PPIA: variants seen among roughly 807,000 people sequenced by gnomAD.
PPIA encodes the protein peptidylprolyl isomerase A.
In PPIA, 2 loss-of-function variants were observed where a neutral mutation model predicts 15.3. The ratio of observed to expected loss-of-function variants is 0.13; its 90% CI spans 0.05 to 0.41. The LOEUF is 0.41. Among genes scored for constraint, PPIA ranks in the 10% least tolerant of loss-of-function variants. The pLI, the probability that PPIA is intolerant of heterozygous loss-of-function variation, is 0.99. For synonymous variants in PPIA, 67 were observed against 73.1 expected (o/e 0.92, Z 0.43); for missense variants, 103 against 210.3 (o/e 0.49, Z 3.16).
Position 44,799,803 on chromosome 7 carries a change from C to T in PPIA, c.291C>T (p.Ile97=). The change falls in exon 4 of 5, where the codon ATC becomes ATT. Residue 97 remains isoleucine, a synonymous_variant. Coordinates refer to ENST00000468812, the MANE Select transcript of PPIA (RefSeq NM_021130.5). ...NFILKHTGPG[I]LSMANAGPNT... ...TCCTAAAGCATACGGGTCCTGGCAT[C>T]TTGTCCATGGCAAATGCTGGACCCA... 2.5e-6 allele frequency: 4 copies of T among 1,613,792 alleles called. No homozygotes were observed. Among genetic ancestry groups the T allele is most frequent in the Non-Finnish European group, 3.4e-6 (4 of 1,179,974 alleles).
At chr7:44,800,824 TA>T (rs1792531650) in intron 4 of PPIA, among the ~76,000 whole-genome samples, 1 of 152,076 alleles carries the variant, frequency 6.6e-6, no homozygotes, top group African/African-American at 2.4e-5. Context: ...TCTATATGTG[TA>T]ACTCTTTTTT....
intron 1 of PPIA, among the ~76,000 whole-genome samples, 170 bp downstream of exon 1, chr7:44,796,963 C>T (rs1679938206): frequency 6.6e-6 from 1 of 152,152 alleles, no homozygotes; most frequent in South Asian, 2.1e-4. Context: ...GTCCGCGAGT[C>T]GCGGGGAGGA....
intron 1 of PPIA, 99 bp from the exon 2 acceptor site, chr7:44,799,148 C>T: frequency 3.0e-6 from 4 of 1,349,708 alleles, no homozygotes; most frequent in Non-Finnish European, 4.1e-6. Context: ...AAGAAGTATT[C>T]TAGTGAGAAA....
chr7:44,801,205 T>C, intron 4 of PPIA, 82 bp from the exon 5 acceptor site: 1 of 1,391,566 alleles, frequency 7.2e-7, no homozygotes, highest in Non-Finnish European at 9.7e-7. Context: ...AAAAAAAAGC[T>C]ACCTTTCTCG....
At chr7:44,799,047 G>A (rs1438913810) in intron 1 of PPIA, 200 bp from the exon 2 acceptor site, 2 of 1,119,834 alleles carry the variant, frequency 1.8e-6, no homozygotes, top group African/African-American at 3.2e-5. Flanking sequence ...TGGATTTTTG[G>A]CATGTCTTTG....
intron 1 of PPIA, among the ~76,000 whole-genome samples, chr7:44,797,749 G>C (rs1380762213): frequency 6.6e-6 from 1 of 152,206 alleles, no homozygotes; most frequent in African/African-American, 2.4e-5. Context: ...GTACGATTCC[G>C]TTCCAGTTAA....
Position 44,801,674 on chromosome 7 carries a change from G to GC in PPIA, c.*253dup, listed in dbSNP as rs1379060542. On this transcript the variant is annotated 3_prime_UTR_variant, in exon 5 of 5. Transcript: ENST00000468812. ...AGTGTTGATGTAGGCTTTATTTTAA[G>GC]CAGTAATGGGTTACTTCTGAAACAT... The GC allele has an allele frequency of 3.6e-5, 14 of 384,048 alleles. No homozygotes were observed. Among genetic ancestry groups the GC allele is most frequent in the Non-Finnish European group, 5.7e-5 (12 of 210,546 alleles). The allele number at this position is 384,048 out of a possible 1,614,324, so 23.8% of individuals were successfully genotyped here.
At chr7:44,800,398 C>CTTTTTTTTT (rs57466816) in intron 4 of PPIA, 1 of 142,290 alleles carries the variant, frequency 7.0e-6, no homozygotes. Context: ...CAATTAAGTG[C>CTTTTTTTTT]TTTTTTTTTT....
chr7:44,799,370 T>A, intron 2 of PPIA, 22 bp from the exon 3 acceptor site: 3 of 1,607,690 alleles, frequency 1.9e-6, no homozygotes, highest in Non-Finnish European at 2.6e-6. Flanking sequence ...TGTATATATG[T>A]GTTTAATTTT....
In PPIA at chr7:44,799,716, A is replaced by G. The variant is rs751423573; in HGVS notation, c.204A>G (p.Thr68=). The change falls in exon 4 of 5, where the codon ACA becomes ACG. Residue 68 remains threonine, a synonymous_variant. Transcript: ENST00000468812. The part of the protein sequence containing the change: ...PGFMCQGGDF[T]RHNGTGGKSI... ...TATGTTGACAGGGTGGTGACTTCAC[A>G]CGCCATAATGGCACTGGTGGCAAGT... is the stretch of plus-strand genomic sequence containing the variant. 2 of 1,614,016 alleles carry G rather than the reference A, an allele frequency of 1.2e-6. No individual in the cohort carries two copies. Among genetic ancestry groups the G allele is most frequent in the South Asian group, 2.2e-5 (2 of 91,078 alleles).
chr7:44,799,609 A>G, intron 3 of PPIA, 93 bp from the exon 4 acceptor site: 1 of 1,580,766 alleles, frequency 6.3e-7, no homozygotes, highest in Non-Finnish European at 8.7e-7. Context: ...CCTTCTATTC[A>G]GTTTGAACTT....
chr7:44,801,278 C>T lies in PPIA; in HGVS notation c.363-9C>T. The T allele has an allele frequency of 6.2e-7, 1 of 1,610,760 alleles. No homozygotes were observed. The highest frequency in any genetic ancestry group is 8.5e-7 in the Non-Finnish European group (1 of 1,178,336). ...TTGCCAGTCATAGTGATTGTTCTTC[C>T]TTTTCAAGGTTGGATGGCAAGCATG... On this transcript the variant is annotated splice_polypyrimidine_tract_variant and intron_variant, in intron 4 of 4. Transcript: ENST00000468812.
chr7:44,797,138 C>T (rs1450997883), intron 1 of PPIA, among the ~76,000 whole-genome samples: 1 of 152,220 alleles, frequency 6.6e-6, no homozygotes, highest in Non-Finnish European at 1.5e-5. Context: ...TGGGCTCCGC[C>T]CTAGCTTGGC....
At position 44,801,732 on chromosome 7, in the gene PPIA, A is replaced by AT. The variant is rs17860087; in HGVS notation, c.*318dup. 0.23 allele frequency: 51,683 copies of AT among 228,780 alleles called. 10,841 individuals are homozygous for AT. Among genetic ancestry groups the AT allele is most frequent in the East Asian group, 0.73 (5,032 of 6,864 alleles). The allele number at this position is 228,780 out of a possible 1,614,324, so 14.2% of individuals were successfully genotyped here. On this transcript the variant is annotated 3_prime_UTR_variant, in exon 5 of 5. Transcript: ENST00000468812. ...TTGCTTAATTCTACACAGTACTTAG[A>AT]TTTTTTTTACTTTCCAGTCCCAGGA...
chr7:44,799,935 C>T (rs922551133), intron 4 of PPIA, 61 bp downstream of exon 4: 41 of 1,525,150 alleles, frequency 2.7e-5, no homozygotes, highest in Non-Finnish European at 3.3e-5. Flanking sequence ...CTGGGGGGAA[C>T]GGAACAAACA....
Position 44,799,466 on chromosome 7 carries a change from G to A in PPIA, c.175G>A (p.Gly59Arg). 1 of 1,612,282 alleles carries A rather than the reference G, an allele frequency of 6.2e-7. No individual in the cohort carries two copies. Among genetic ancestry groups the A allele is most frequent in the Non-Finnish European group, 8.5e-7 (1 of 1,179,818 alleles). Residue 59 changes from glycine (G) to arginine (R), a missense_variant, in exon 3 of 5, where the codon GGG (glycine) becomes AGG (arginine). Coordinates refer to ENST00000468812, the MANE Select transcript of PPIA (RefSeq NM_021130.5). The part of the protein sequence containing the change: ...KGSCFHRIIP[G>R]FMCQGGDFTR... ...TTCCTGCTTTCACAGAATTATTCCA[G>A]GGTTTATGTGTCAGGTACGAAATTT...
At chr7:44,798,011 G>A (rs1792432161) in intron 1 of PPIA, 1 of 152,210 alleles carries the variant, frequency 6.6e-6, no homozygotes, top group Admixed American at 6.5e-5. Context: ...AAGCTGGTAA[G>A]TGACAAGGGC....
intron 3 of PPIA, 57 bp from the exon 4 acceptor site, chr7:44,799,644 AT>A (rs1792486453): frequency 2.5e-6 from 4 of 1,606,940 alleles, no homozygotes; most frequent in Non-Finnish European, 3.4e-6. Context: ...AACCTTGCAG[AT>A]TTGGCACACT....
chr7:44,799,389 C>T lies in PPIA; in HGVS notation c.101-3C>T. 6.2e-7 allele frequency: 1 copy of T among 1,611,244 alleles called. No homozygotes were observed. The highest frequency in any genetic ancestry group is 2.2e-5 in the East Asian group (1 of 44,850). On this transcript the variant is annotated splice_region_variant and splice_polypyrimidine_tract_variant and intron_variant, in intron 2 of 4. Coordinates refer to ENST00000468812, the MANE Select transcript of PPIA (RefSeq NM_021130.5). ...TATATGTGTTTAATTTTTTTTTAAACAGAAAATTTTCGTGCTCTGAGCACT... is the reference window on the plus strand; with the variant it reads ...TATATGTGTTTAATTTTTTTTTAAATAGAAAATTTTCGTGCTCTGAGCACT...
Sources: gnomAD v4.1 joint callset for allele counts (sites outside exome capture counted in the v4.1 genomes callset) on GRCh38, gnomAD v4.1.1 for gene constraint, MANE v1.5 for transcripts, NCBI Gene and HGNC (gene_info 2026-07-23, HGNC 2026-07-21) for gene names.